The following PAN3 variants were observed in gnomAD, a reference collection of about 807,000 sequenced individuals.
PAN3 encodes poly(A) specific ribonuclease subunit PAN3.
Under a neutral mutation model 96.2 loss-of-function variants are expected in PAN3, and 19 were observed. That is an observed-to-expected ratio of 0.20 (90% CI 0.14 to 0.29). PAN3 has a LOEUF of 0.29. Ranked by LOEUF, PAN3 falls within the 10% of genes least tolerant of loss-of-function variation. The probability of loss-of-function intolerance (pLI) is 1.00; values close to 1 mark genes in which losing one functional copy is unlikely to be tolerated. For missense variants in PAN3, 882 were observed against 1,108.1 expected, an observed-to-expected ratio of 0.80 and a Z score of 2.90; for synonymous variants, 433 against 406.6, an observed-to-expected ratio of 1.06 and a Z score of -0.78.
rs377677778 is a variant in PAN3, at chr13:28,227,966, G to A, written c.1000+7588G>A. On this transcript the variant is annotated intron_variant, in intron 6 of 18. Transcript: ENST00000380958. Reference sequence around the variant, plus strand: ...AGAGAACAGGTGTAAATGAATGCCCGAGAATGTTTCCGATCTGTTTCATAG... The same window carrying A: ...AGAGAACAGGTGTAAATGAATGCCCAAGAATGTTTCCGATCTGTTTCATAG... 1.1e-4 allele frequency among the ~76,000 whole-genome samples: 16 copies of A among 152,298 alleles called. No individual in the cohort carries two copies. In the South Asian group the frequency reaches 1.7e-3, roughly 16 times the overall value.
Position 28,270,824 on chromosome 13 carries a change from G to A in PAN3, c.1916G>A (p.Arg639Gln), listed in dbSNP as rs146510793. The stretch of plus-strand genomic sequence containing the variant: ...ATTCATACAGCAGGTTTGGCATGTC[G>A]AGTTATGGATCCAACAAAGATTCTG... ...RTIHTAGLACRVMDPTKILIT... is the reference protein window; with the variant it reads ...RTIHTAGLACQVMDPTKILIT... The change falls in exon 13 of 19, where the codon CGA (arginine) becomes CAA (glutamine). Residue 639 changes from arginine (R) to glutamine (Q), a missense_variant. Transcript: ENST00000380958. The A allele has an allele frequency of 1.9e-5, 31 of 1,613,848 alleles. No homozygotes were observed. The African/African-American group carries it at 3.5e-4, about 18-fold the overall frequency.
chr13:28,261,922 CA>C (rs1472525115), intron 9 of PAN3, among the ~76,000 whole-genome samples: 9 of 149,898 alleles, frequency 6.0e-5, no homozygotes, highest in Non-Finnish European at 8.9e-5. Flanking sequence ...TATTCTAGTT[CA>C]CAAAAAAAGT....
At chr13:28,201,041 CTT>C (rs762515814) in intron 5 of PAN3, among the ~76,000 whole-genome samples, 5 of 144,950 alleles carry the variant, frequency 3.4e-5, no homozygotes, top group Admixed American at 6.9e-5. Context: ...CTCTCTCTCT[CTT>C]TTTTTTTTTT....
chr13:28,157,425 C>T (rs1464747732), intron 1 of PAN3, among the ~76,000 whole-genome samples: 2 of 152,162 alleles, frequency 1.3e-5, no homozygotes, highest in African/African-American at 4.8e-5. Flanking sequence ...GTCAAACTAT[C>T]TCTGTATATG....
At chr13:28,147,693 T>G (rs1337580921) in intron 1 of PAN3, among the ~76,000 whole-genome samples, 1 of 152,180 alleles carries the variant, frequency 6.6e-6, no homozygotes, top group Non-Finnish European at 1.5e-5. Flanking sequence ...AGATTAAACC[T>G]CAAAATCTGA....
intron 1 of PAN3, among the ~76,000 whole-genome samples, chr13:28,151,439 T>C (rs1014126637): frequency 1.3e-5 from 2 of 151,752 alleles, no homozygotes; most frequent in Non-Finnish European, 2.9e-5. Context: ...CACATGAACC[T>C]GGGAGTCGGA....
At chr13:28,260,625 T>C (rs1222050690) in intron 8 of PAN3, 74 bp downstream of exon 8, 1 of 1,162,540 alleles carries the variant, frequency 8.6e-7, no homozygotes, top group Non-Finnish European at 1.3e-6. Flanking sequence ...AGAACAGAGC[T>C]CTTTTCAAAT....
At chr13:28,292,219 G>A (rs377742549) in intron 18 of PAN3, among the ~76,000 whole-genome samples, 163 bp from the exon 19 acceptor site, 3 of 152,146 alleles carry the variant, frequency 2.0e-5, no homozygotes, top group East Asian at 3.8e-4. Flanking sequence ...TGTCTGAGTC[G>A]AAAATTATGT....
In PAN3 at chr13:28,294,693, A is replaced by G. The variant is rs1256147732; in HGVS notation, c.*2171A>G. ...ACAAATCCAAGAATGTTTGCATCCT[A>G]AATGCTAGTTTGCTTCAGCCCCTAG... On this transcript the variant is annotated 3_prime_UTR_variant, in exon 19 of 19. Transcript: ENST00000380958. 1 of 152,634 alleles carries G rather than the reference A, an allele frequency of 6.6e-6. No homozygotes were observed. The highest frequency in any genetic ancestry group is 6.5e-5 in the Admixed American group (1 of 15,278). The allele number at this position is 152,634 out of a possible 1,614,324, so 9.5% of individuals were successfully genotyped here. A position where few individuals can be genotyped will look rare whatever the true frequency, so the allele number is the denominator to read the frequency against.
At position 28,268,596 on chromosome 13, in the gene PAN3, A is replaced by G. The variant is rs145176433; in HGVS notation, c.1792+1195A>G. On this transcript the variant is annotated intron_variant, in intron 12 of 18. Coordinates refer to ENST00000380958, the MANE Select transcript of PAN3 (RefSeq NM_175854.8). ...AAAGTAAATCCATTTTGAGATGTCT[A>G]TTCATTAATTTATGTATTTAGGGAA... Among the ~76,000 whole-genome samples the G allele has an allele frequency of 6.0e-3, 920 of 152,284 alleles. 2 individuals carry two copies. Among genetic ancestry groups the G allele is most frequent in the Non-Finnish European group, 0.011 (722 of 68,010 alleles).
intron 7 of PAN3, among the ~76,000 whole-genome samples, chr13:28,259,953 A>C (rs1390766158): frequency 6.6e-6 from 1 of 152,166 alleles, no homozygotes; most frequent in Non-Finnish European, 1.5e-5. Context: ...ATTATTTTTA[A>C]TATGAATTCT....
chr13:28,262,455 A>G (rs1317299350), intron 9 of PAN3, among the ~76,000 whole-genome samples: 1 of 152,246 alleles, frequency 6.6e-6, no homozygotes, highest in Non-Finnish European at 1.5e-5. Context: ...TTGCTAAAGA[A>G]TTAAAAGAAA....
At chr13:28,203,551 C>A (rs1457336807) in intron 5 of PAN3, among the ~76,000 whole-genome samples, 1 of 149,458 alleles carries the variant, frequency 6.7e-6, no homozygotes, top group Non-Finnish European at 1.5e-5. Flanking sequence ...TCAAGTGACC[C>A]ACTTGCCTCA....
intron 7 of PAN3, among the ~76,000 whole-genome samples, chr13:28,259,895 C>G (rs752649659): frequency 6.1e-4 from 93 of 152,036 alleles, no homozygotes; most frequent in Non-Finnish European, 1.2e-3. Flanking sequence ...ACCTCAGCCT[C>G]CCAGAGTGCT....
At chr13:28,147,233 T>A (rs1870779073) in intron 1 of PAN3, among the ~76,000 whole-genome samples, 1 of 152,222 alleles carries the variant, frequency 6.6e-6, no homozygotes. Flanking sequence ...TACATTTCTT[T>A]GCAGATGGTC....
intron 5 of PAN3, among the ~76,000 whole-genome samples, chr13:28,201,402 C>T (rs1010277678): frequency 4.0e-5 from 6 of 151,776 alleles, no homozygotes; most frequent in Non-Finnish European, 8.8e-5. Context: ...AAAAATTAGC[C>T]GGGCATGGTG....
At position 28,158,879 on chromosome 13, in the gene PAN3, G is replaced by GA. The variant is rs373914232; in HGVS notation, c.431-15379dup. On this transcript the variant is annotated intron_variant, in intron 1 of 18. Coordinates refer to ENST00000380958, the MANE Select transcript of PAN3 (RefSeq NM_175854.8). ...GGTGACAGAGCAAGACTCCATCTCA[G>GA]AAAAAAAAAAAAAAGCTCAACGTCA... is the stretch of plus-strand genomic sequence containing the variant. 3.1e-3 allele frequency among the ~76,000 whole-genome samples: 324 copies of GA among 104,980 alleles called. 2 individuals are homozygous for GA. The highest frequency in any genetic ancestry group is 5.4e-3 in the African/African-American group (153 of 28,124). 68.9% of individuals were successfully genotyped at this position (104,980 alleles called of 152,430 possible).
intron 1 of PAN3, among the ~76,000 whole-genome samples, chr13:28,146,529 A>G (rs1376326430): frequency 6.6e-6 from 1 of 152,092 alleles, no homozygotes; most frequent in Non-Finnish European, 1.5e-5. Flanking sequence ...TATATTATCT[A>G]GGTATGTGAG....
intron 1 of PAN3, among the ~76,000 whole-genome samples, chr13:28,156,224 G>GGACA (rs1393487992): frequency 5.9e-5 from 9 of 151,828 alleles, no homozygotes; most frequent in African/African-American, 1.5e-4. Context: ...ATGACAAAGG[G>GGACA]GACATTACCA....
Sources: allele counts gnomAD v4.1 joint callset (sites outside exome capture counted in the v4.1 genomes callset), GRCh38; gene constraint gnomAD v4.1.1; transcripts MANE v1.5; gene names NCBI Gene and HGNC (gene_info 2026-07-23, HGNC 2026-07-21).